The following ZNF536 variants were observed in gnomAD, a reference collection of about 807,000 sequenced individuals.
ZNF536 encodes zinc finger protein 536.
A neutral mutation model predicts 84.5 loss-of-function variants in ZNF536; 13 were observed. The observed-to-expected ratio is 0.15, with a 90% CI of 0.10 to 0.24. ZNF536 has a LOEUF of 0.24. Among genes scored for constraint, ZNF536 ranks in the 10% least tolerant of loss-of-function variants. The pLI, the probability that ZNF536 is intolerant of heterozygous loss-of-function variation, is 1.00. For synonymous variants in ZNF536, 811 were observed against 742.5 expected (o/e 1.09, Z -1.50); for missense variants, 1,536 against 1,747.5 (o/e 0.88, Z 2.16).
intron 1 of ZNF536, among the ~76,000 whole-genome samples, chr19:30,696,949 C>G (rs2051686574): frequency 6.6e-6 from 1 of 152,208 alleles, no homozygotes. Context: ...GGCTTTGTGG[C>G]TCTGGACAGA....
intron 1 of ZNF536, among the ~76,000 whole-genome samples, chr19:30,388,470 A>G (rs887198922): frequency 1.3e-5 from 2 of 152,174 alleles, no homozygotes; most frequent in Non-Finnish European, 2.9e-5. Flanking sequence ...CTCATGGTCC[A>G]CTGGAAGGTG....
chr19:30,534,032 G>C (rs1313695579), intron 2 of ZNF536, among the ~76,000 whole-genome samples: 1 of 152,204 alleles, frequency 6.6e-6, no homozygotes, highest in Non-Finnish European at 1.5e-5. Context: ...TTTCTTTGCA[G>C]AAGGCAGCCA....
intron 1 of ZNF536, among the ~76,000 whole-genome samples, chr19:30,420,438 G>T (rs1293801673): frequency 6.6e-6 from 1 of 152,138 alleles, no homozygotes; most frequent in Non-Finnish European, 1.5e-5. Context: ...TTCATCTAAG[G>T]TGTCTCTATC....
chr19:30,548,225 A>C lies in ZNF536; in HGVS notation c.2606A>C (p.His869Pro), dbSNP rs764339490. 1 of 1,614,110 alleles carries C rather than the reference A, an allele frequency of 6.2e-7. No homozygotes were observed. Among genetic ancestry groups the C allele is most frequent in the South Asian group, 1.1e-5 (1 of 91,058 alleles). ...WTSGVLSSGD[H>P]SGQATGMSSE... The stretch of plus-strand genomic sequence containing the variant: ...TCAGGGGTTCTCTCCTCTGGAGATC[A>C]CTCGGGGCAGGCCACGGGCATGTCT... Residue 869 changes from histidine (H) to proline (P), a missense_variant, in exon 4 of 5, where the codon CAC becomes CCC. This residue lies in a region of ZNF536 where 624 missense variants were observed against 603.1 expected (regional missense o/e 1.03). Coordinates refer to ENST00000355537, the MANE Select transcript of ZNF536 (RefSeq NM_014717.3).
At chr19:30,374,305 AAT>A (rs1277097937) in intron 1 of ZNF536, among the ~76,000 whole-genome samples, 1 of 151,888 alleles carries the variant, frequency 6.6e-6, no homozygotes, top group Admixed American at 6.6e-5. Flanking sequence ...TATTAATGGA[AAT>A]ATATATATCT....
chr19:30,571,809 T>C (rs1235792603), intron 1 of ZNF536, among the ~76,000 whole-genome samples: 2 of 152,142 alleles, frequency 1.3e-5, no homozygotes, highest in Non-Finnish European at 2.9e-5. Context: ...GAGGCCTACA[T>C]TGGGCCCTCC....
At chr19:30,511,062 A>T (rs2055393710) in intron 2 of ZNF536, among the ~76,000 whole-genome samples, 1 of 152,190 alleles carries the variant, frequency 6.6e-6, no homozygotes. Flanking sequence ...GACCATCACC[A>T]CTTGAGATCG....
In ZNF536 at chr19:30,493,732, G is replaced by A. The variant is rs939851643; in HGVS notation, c.2171-41115G>A. Among the ~76,000 whole-genome samples the A allele has an allele frequency of 3.9e-5, 6 of 152,284 alleles. No individual in the cohort carries two copies. The East Asian group carries it at 1.2e-3, about 29-fold the overall frequency. On this transcript the variant is annotated intron_variant, in intron 2 of 4. Coordinates refer to ENST00000355537, the MANE Select transcript of ZNF536 (RefSeq NM_014717.3). ...TTGGGGAAAAAAATCGTATCATGAT[G>A]TTGAGGTCTCTCACGTTCCACTTAG...
intron 1 of ZNF536, among the ~76,000 whole-genome samples, chr19:30,643,769 C>T (rs1051335679): frequency 7.2e-5 from 11 of 152,146 alleles, no homozygotes; most frequent in Middle Eastern, 3.4e-3. Flanking sequence ...TTGGGAGTTG[C>T]GTTGGGGGGT....
intron 1 of ZNF536, among the ~76,000 whole-genome samples, chr19:30,634,525 AG>A (rs2048996969): frequency 6.6e-6 from 1 of 152,094 alleles, no homozygotes; most frequent in Non-Finnish European, 1.5e-5. Context: ...GGTACCAGCC[AG>A]GGTCCACCAT....
In ZNF536 at chr19:30,507,489, A is replaced by G. The variant is rs1158399255; in HGVS notation, c.2171-27358A>G. ...AGGGATAGTAAGACAATGAAATACA[A>G]TAAACCTTTTTAAAAGCAAACAAAA... is the stretch of plus-strand genomic sequence containing the variant. On this transcript the variant is annotated intron_variant, in intron 2 of 4. Transcript: ENST00000355537. 2.6e-5 allele frequency among the ~76,000 whole-genome samples: 4 copies of G among 152,332 alleles called. No individual in the cohort carries two copies. In the East Asian group the frequency reaches 7.7e-4, roughly 29 times the overall value.
At chr19:30,667,997 C>A (rs1466084064) in intron 1 of ZNF536, among the ~76,000 whole-genome samples, 1 of 152,084 alleles carries the variant, frequency 6.6e-6, no homozygotes, top group Non-Finnish European at 1.5e-5. Flanking sequence ...GAAGCCAGGT[C>A]CTCAGGGCAC....
chr19:30,311,426 T>C (rs976025843), intron 2 of ZNF536, among the ~76,000 whole-genome samples: 10 of 152,240 alleles, frequency 6.6e-5, no homozygotes, highest in Admixed American at 5.9e-4. Flanking sequence ...AGCATCACAT[T>C]GTTTCAAATA....
chr19:30,240,437 G>T (rs941006359), intron 1 of ZNF536, among the ~76,000 whole-genome samples: 7 of 152,146 alleles, frequency 4.6e-5, no homozygotes, highest in Non-Finnish European at 8.8e-5. Flanking sequence ...GAACCCCAAG[G>T]GGACTGTATC....
chr19:30,416,754 C>T (rs1295938560), intron 1 of ZNF536, among the ~76,000 whole-genome samples: 1 of 152,144 alleles, frequency 6.6e-6, no homozygotes, highest in East Asian at 1.9e-4. Context: ...TTTCCAGGTC[C>T]CTGTCCTCAC....
intron 1 of ZNF536, among the ~76,000 whole-genome samples, chr19:30,700,822 T>C (rs1483730327): frequency 2.0e-5 from 3 of 152,208 alleles, no homozygotes; most frequent in Admixed American, 6.5e-5. Flanking sequence ...AGACCTATAG[T>C]TTCTTACCTA....
At chr19:30,348,444 T>G (rs1249348386) in intron 2 of ZNF536, among the ~76,000 whole-genome samples, 3 of 152,108 alleles carry the variant, frequency 2.0e-5, no homozygotes, top group African/African-American at 7.2e-5. Flanking sequence ...GTCCCTTACG[T>G]GCTGAGGTCC....
At chr19:30,484,676 C>A (rs2054227122) in intron 2 of ZNF536, among the ~76,000 whole-genome samples, 1 of 149,726 alleles carries the variant, frequency 6.7e-6, no homozygotes, top group Non-Finnish European at 1.5e-5. Flanking sequence ...TCTTCTTCTT[C>A]TTCTTCTTCT....
At chr19:30,272,335 A>G (rs1487189230) in intron 1 of ZNF536, among the ~76,000 whole-genome samples, 4 of 152,200 alleles carry the variant, frequency 2.6e-5, no homozygotes, top group Non-Finnish European at 4.4e-5. Context: ...CCATTAAAAG[A>G]CATTTTAGTT....
Sources: gnomAD v4.1 joint callset for allele counts (sites outside exome capture counted in the v4.1 genomes callset) on GRCh38, gnomAD v4.1.1 for gene constraint, gnomAD v4.1.1 regional missense constraint, MANE v1.5 for transcripts, NCBI Gene and HGNC (gene_info 2026-07-23, HGNC 2026-07-21) for gene names.